Variants in CSMD3 observed in about 807,000 individuals in gnomAD.
The protein encoded by CSMD3 is CUB and Sushi multiple domains 3.
In CSMD3, 177 loss-of-function variants were observed where a neutral mutation model predicts 435.2. The observed-to-expected ratio is 0.41, with a 90% CI of 0.36 to 0.46. The LOEUF is 0.46. Among genes scored for constraint, CSMD3 ranks in the 20% least tolerant of loss-of-function variants. CSMD3 has a pLI of 0.34. For missense variants in CSMD3, 4,265 were observed against 4,504.6 expected (o/e 0.95, Z 1.52); for synonymous variants, 1,656 against 1,520.5 (o/e 1.09, Z -2.07).
At chr8:113,311,216 C>G (rs1164053041) in intron 2 of CSMD3, 1 of 152,012 alleles carries the variant, frequency 6.6e-6, no homozygotes, top group Non-Finnish European at 1.5e-5. Context: ...AGCACTTGTT[C>G]TAAGATAAAA....
At chr8:113,329,204 AAAATAAAT>A (rs60369800) in intron 1 of CSMD3, among the ~76,000 whole-genome samples, 1 of 143,932 alleles carries the variant, frequency 6.9e-6, no homozygotes, top group African/African-American at 2.6e-5. Context: ...TTAAAGAATG[AAAATAAAT>A]AAATAAATAA....
chr8:113,214,422 G>C (rs2092876912), intron 3 of CSMD3, among the ~76,000 whole-genome samples: 1 of 151,828 alleles, frequency 6.6e-6, no homozygotes, highest in Non-Finnish European at 1.5e-5. Flanking sequence ...TCGGTTATTT[G>C]AGTATGATAC....
chr8:113,042,966 A>G (rs2087683232), intron 5 of CSMD3, among the ~76,000 whole-genome samples: 1 of 152,184 alleles, frequency 6.6e-6, no homozygotes, highest in Non-Finnish European at 1.5e-5. Flanking sequence ...CTTCCTAAAT[A>G]TTCTTCTTCT....
chr8:113,282,404 T>C (rs1345345089), intron 2 of CSMD3, among the ~76,000 whole-genome samples: 1 of 151,996 alleles, frequency 6.6e-6, no homozygotes, highest in Non-Finnish European at 1.5e-5. Flanking sequence ...CCAAGATTAA[T>C]GTACACAAAT....
At chr8:112,951,753 T>C (rs1163687340) in intron 8 of CSMD3, among the ~76,000 whole-genome samples, 2 of 151,734 alleles carry the variant, frequency 1.3e-5, no homozygotes, top group Non-Finnish European at 3.0e-5. Flanking sequence ...GTGGATAATA[T>C]GAATGAATAA....
At position 113,000,213 on chromosome 8, in the gene CSMD3, G is replaced by A. The variant is rs191882486; in HGVS notation, c.1030+18854C>T. 5.7e-3 allele frequency among the ~76,000 whole-genome samples: 874 copies of A among 152,150 alleles called. 1 individual carries two copies. The highest frequency in any genetic ancestry group is 8.6e-3 in the Non-Finnish European group (585 of 67,978). On this transcript the variant is annotated intron_variant, in intron 6 of 70. Coordinates refer to ENST00000297405, the MANE Select transcript of CSMD3 (RefSeq NM_198123.2). ...GTGTTTCAAGAAACTGACAAATTCT[G>A]ATCATAGGTTAAATAATACATGAAC...
intron 35 of CSMD3, among the ~76,000 whole-genome samples, chr8:112,401,069 C>G (rs560906562): frequency 6.6e-6 from 1 of 152,108 alleles, no homozygotes; most frequent in African/African-American, 2.4e-5. Flanking sequence ...ATTAGCCAGG[C>G]ATGGTAGTGC....
At chr8:112,908,647 A>G (rs911020407) in intron 10 of CSMD3, among the ~76,000 whole-genome samples, 5 of 151,596 alleles carry the variant, frequency 3.3e-5, no homozygotes, top group African/African-American at 1.2e-4. Context: ...GTGACAGAAA[A>G]TAGTAAACAG....
At chr8:113,073,700 A>C (rs954137420) in intron 5 of CSMD3, among the ~76,000 whole-genome samples, 2 of 151,818 alleles carry the variant, frequency 1.3e-5, no homozygotes, top group African/African-American at 4.8e-5. Context: ...GACCTCTCAC[A>C]ATTCTTTTTT....
chr8:112,314,127 G>C lies in CSMD3; in HGVS notation c.7550-75C>G, dbSNP rs1043892920. 9 of 1,132,960 alleles carry C rather than the reference G, an allele frequency of 7.9e-6. No homozygotes were observed. The African/African-American group carries it at 1.4e-4, about 18-fold the overall frequency. The allele number at this position is 1,132,960 out of a possible 1,614,324, so 70.2% of individuals were successfully genotyped here. A position where few individuals can be genotyped will look rare whatever the true frequency, so the allele number is the denominator to read the frequency against. ...TTGTCTTTAGTATTTTATATCTTTA[G>C]AATAGTATTAAATATGGTTAAATTG... On this transcript the variant is annotated intron_variant, in intron 48 of 70. Transcript: ENST00000297405.
At chr8:112,842,163 G>C (rs756982614) in intron 11 of CSMD3, among the ~76,000 whole-genome samples, 3 of 151,740 alleles carry the variant, frequency 2.0e-5, no homozygotes, top group Non-Finnish European at 4.4e-5. Context: ...AGGAGACAAT[G>C]TTCCAGAAGG....
At chr8:113,186,924 C>A (rs1257577218) in intron 3 of CSMD3, among the ~76,000 whole-genome samples, 2 of 151,892 alleles carry the variant, frequency 1.3e-5, no homozygotes, top group Non-Finnish European at 2.9e-5. Context: ...TTGTCCCTAC[C>A]AGCACTCCAG....
chr8:112,923,884 A>C (rs1276969989), intron 9 of CSMD3, among the ~76,000 whole-genome samples: 1 of 152,160 alleles, frequency 6.6e-6, no homozygotes, highest in African/African-American at 2.4e-5. Flanking sequence ...TATAACTGGA[A>C]AAATATTCTC....
chr8:113,023,622 T>C (rs1454488334), intron 5 of CSMD3, among the ~76,000 whole-genome samples: 1 of 152,108 alleles, frequency 6.6e-6, no homozygotes, highest in African/African-American at 2.4e-5. Context: ...TGCATATACT[T>C]CGCTTTGAGG....
chr8:112,620,255 G>T (rs896006481), intron 22 of CSMD3, among the ~76,000 whole-genome samples: 1 of 152,126 alleles, frequency 6.6e-6, no homozygotes, highest in African/African-American at 2.4e-5. Flanking sequence ...AGCTTTGAAA[G>T]ACATTTGGGG....
intron 7 of CSMD3, among the ~76,000 whole-genome samples, chr8:112,962,282 G>A (rs768271785): frequency 6.6e-6 from 1 of 151,218 alleles, no homozygotes; most frequent in South Asian, 2.1e-4. Context: ...ATTGTAAATT[G>A]TAACATGAAA....
intron 32 of CSMD3, among the ~76,000 whole-genome samples, chr8:112,459,239 T>C (rs1270813231): frequency 1.3e-5 from 2 of 151,988 alleles, no homozygotes; most frequent in African/African-American, 4.8e-5. Context: ...CTCATCTCCC[T>C]AATCTAAATT....
chr8:112,947,567 G>A (rs2083655360), intron 9 of CSMD3, among the ~76,000 whole-genome samples: 1 of 151,440 alleles, frequency 6.6e-6, no homozygotes, highest in South Asian at 2.1e-4. Flanking sequence ...ACTATATGAT[G>A]AGAAATTAAT....
intron 13 of CSMD3, among the ~76,000 whole-genome samples, chr8:112,731,597 G>A (rs2077075872): frequency 6.6e-6 from 1 of 151,962 alleles, no homozygotes. Flanking sequence ...TTCTAAATAT[G>A]CATCCCCAAC....
Sources: gnomAD v4.1 joint callset for allele counts (sites outside exome capture counted in the v4.1 genomes callset) on GRCh38, gnomAD v4.1.1 for gene constraint, MANE v1.5 for transcripts, NCBI Gene and HGNC (gene_info 2026-07-23, HGNC 2026-07-21) for gene names.